The following NT5DC1 variants were observed in gnomAD, a reference collection of about 807,000 sequenced individuals.
The protein encoded by NT5DC1 is 5'-nucleotidase domain-containing protein 1.
A neutral mutation model predicts 59.4 loss-of-function variants in NT5DC1; 42 were observed. That is an observed-to-expected ratio of 0.71 (90% CI 0.55 to 0.92). The LOEUF (loss-of-function observed/expected upper bound fraction) is 0.92. Among genes scored for constraint, NT5DC1 ranks in the 40% least tolerant of loss-of-function variants. NT5DC1 has a pLI of 0.00. For missense variants in NT5DC1, 501 were observed against 537.1 expected, an observed-to-expected ratio of 0.93 and a Z score of 0.66; for synonymous variants, 172 against 188.1, an observed-to-expected ratio of 0.91 and a Z score of 0.70.
chr6:116,157,878 T>C (rs1326285304), intron 6 of NT5DC1, among the ~76,000 whole-genome samples: 1 of 152,208 alleles, frequency 6.6e-6, no homozygotes, highest in Non-Finnish European at 1.5e-5. Context: ...GTACGTCTTT[T>C]AGGCTAGTAA....
At chr6:116,194,806 T>C (rs1462651155) in intron 6 of NT5DC1, among the ~76,000 whole-genome samples, 1 of 152,038 alleles carries the variant, frequency 6.6e-6, no homozygotes, top group Non-Finnish European at 1.5e-5. Flanking sequence ...GGGGCAGGTA[T>C]GGAGCTAGAA....
intron 9 of NT5DC1, chr6:116,237,762 C>A: frequency 3.8e-6 from 1 of 260,250 alleles, no homozygotes; most frequent in Non-Finnish European, 7.7e-6. Context: ...GGGGTTGGGC[C>A]CAGAAACTTG....
intron 6 of NT5DC1, among the ~76,000 whole-genome samples, chr6:116,157,907 G>T (rs756243894): frequency 2.0e-4 from 31 of 152,112 alleles, no homozygotes; most frequent in Non-Finnish European, 4.4e-4. Context: ...TTGAAGTACA[G>T]AAATAAAATG....
intron 6 of NT5DC1, among the ~76,000 whole-genome samples, chr6:116,156,947 TC>T (rs780819255): frequency 1.3e-5 from 2 of 152,086 alleles, no homozygotes; most frequent in Non-Finnish European, 2.9e-5. Flanking sequence ...AGCCACTCAC[TC>T]CCTGGCAAGA....
At chr6:116,196,954 C>T (rs748042317) in intron 6 of NT5DC1, among the ~76,000 whole-genome samples, 11 of 151,564 alleles carry the variant, frequency 7.3e-5, no homozygotes, top group Non-Finnish European at 1.0e-4. Flanking sequence ...CTCCAGAGTT[C>T]TATCTAGTTG....
At chr6:116,134,815 T>C (rs772301417) in intron 6 of NT5DC1, among the ~76,000 whole-genome samples, 2 of 152,132 alleles carry the variant, frequency 1.3e-5, no homozygotes, top group Non-Finnish European at 2.9e-5. Context: ...TTTCAGAGAT[T>C]TTTCAAAGAC....
chr6:116,109,331 T>C (rs1778820361), intron 3 of NT5DC1, among the ~76,000 whole-genome samples: 1 of 152,206 alleles, frequency 6.6e-6, no homozygotes. Flanking sequence ...TAGCCCCACC[T>C]TTGGTATTTT....
intron 7 of NT5DC1, among the ~76,000 whole-genome samples, chr6:116,222,337 T>A (rs1781823850): frequency 6.6e-6 from 1 of 152,192 alleles, no homozygotes; most frequent in Admixed American, 6.5e-5. Flanking sequence ...ATAGTCTTTC[T>A]TCATCTTAAT....
At chr6:116,238,161 A>C in intron 9 of NT5DC1, 26 bp from the exon 10 acceptor site, 1 of 1,549,612 alleles carries the variant, frequency 6.5e-7, no homozygotes, top group Non-Finnish European at 8.7e-7. Flanking sequence ...CTGTGCCTCA[A>C]ACAGCATCTG....
At chr6:116,109,790 ATAT>A (rs548698705) in intron 3 of NT5DC1, among the ~76,000 whole-genome samples, 10 of 151,936 alleles carry the variant, frequency 6.6e-5, no homozygotes, top group Non-Finnish European at 1.2e-4. Flanking sequence ...TTTTTCCTTC[ATAT>A]TATTTTGTTG....
chr6:116,197,466 T>A (rs933621593), intron 6 of NT5DC1, among the ~76,000 whole-genome samples: 2 of 152,002 alleles, frequency 1.3e-5, no homozygotes, highest in Admixed American at 6.6e-5. Context: ...GAATCAACAT[T>A]CTTGACCTTC....
intron 8 of NT5DC1, among the ~76,000 whole-genome samples, chr6:116,229,295 G>A (rs1781963978): frequency 6.6e-6 from 1 of 152,014 alleles, no homozygotes; most frequent in Non-Finnish European, 1.5e-5. Flanking sequence ...ACCACTGCCC[G>A]CATCATCCCT....
intron 8 of NT5DC1, among the ~76,000 whole-genome samples, chr6:116,231,777 G>A (rs2114553785): frequency 6.6e-6 from 1 of 152,308 alleles, no homozygotes; most frequent in Middle Eastern, 3.4e-3. Flanking sequence ...TAGAACATGT[G>A]TAAAATAGAA....
chr6:116,243,857 T>G (rs1582890177), intron 11 of NT5DC1, 52 bp from the exon 12 acceptor site: 2 of 685,896 alleles, frequency 2.9e-6, no homozygotes, highest in Non-Finnish European at 5.1e-6. Context: ...GATTTGTTTA[T>G]GAAAGGCATT....
chr6:116,218,784 A>G (rs947516004), intron 6 of NT5DC1, among the ~76,000 whole-genome samples: 1 of 152,202 alleles, frequency 6.6e-6, no homozygotes, highest in Non-Finnish European at 1.5e-5. Context: ...TATTATTCTC[A>G]TATTGCAAAA....
chr6:116,120,625 T>C (rs1779086369), intron 6 of NT5DC1: 1 of 1,559,132 alleles, frequency 6.4e-7, no homozygotes, highest in East Asian at 2.2e-5. Context: ...AGTGGCCTCT[T>C]GGACCTGGAG....
At chr6:116,175,509 G>A (rs1234374765) in intron 6 of NT5DC1, among the ~76,000 whole-genome samples, 6 of 151,916 alleles carry the variant, frequency 3.9e-5, no homozygotes, top group African/African-American at 1.5e-4. Context: ...TATTTCTTCT[G>A]CTCCATTGTC....
At position 116,239,120 on chromosome 6, in the gene NT5DC1, G is replaced by A. The variant is rs780505600; in HGVS notation, c.1249G>A (p.Ala417Thr). 8.7e-6 allele frequency: 14 copies of A among 1,606,168 alleles called. No individual in the cohort carries two copies. Among genetic ancestry groups the A allele is most frequent in the Middle Eastern group, 1.7e-4 (1 of 6,044 alleles). Residue 417 changes from alanine (A) to threonine (T), a missense_variant, in exon 11 of 12, where the codon GCA becomes ACA. Coordinates refer to ENST00000319550, the MANE Select transcript of NT5DC1 (RefSeq NM_152729.3). Reference sequence around the variant, plus strand: ...TGCAATTCCAAGTATTGAAGCAATCGCAGGTAAGGGGGAAAATACCTATAA... The same window carrying A: ...TGCAATTCCAAGTATTGAAGCAATCACAGGTAAGGGGGAAAATACCTATAA... ...TIAIPSIEAI[A>T]ELPLDYKFTR...
At chr6:116,113,575 C>T (rs1247390028) in intron 4 of NT5DC1, among the ~76,000 whole-genome samples, 1 of 152,128 alleles carries the variant, frequency 6.6e-6, no homozygotes, top group Non-Finnish European at 1.5e-5. Context: ...AGCAGCCTGG[C>T]CCAGTTAACA....
Sources: gnomAD v4.1 joint callset for allele counts (sites outside exome capture counted in the v4.1 genomes callset) on GRCh38, gnomAD v4.1.1 for gene constraint, MANE v1.5 for transcripts, NCBI Gene and HGNC (gene_info 2026-07-23, HGNC 2026-07-21) for gene names.